Variants in CD101 observed in about 807,000 individuals in gnomAD.
The protein encoded by CD101 is immunoglobulin superfamily member 2.
Under a neutral mutation model 98.2 loss-of-function variants are expected in CD101, and 76 were observed. The ratio of observed to expected loss-of-function variants is 0.77; its 90% confidence interval spans 0.64 to 0.94. The LOEUF is 0.94. Among genes scored for constraint, CD101 ranks in the 40% least tolerant of loss-of-function variants. The probability of loss-of-function intolerance (pLI) is 0.00; values close to 1 mark genes in which losing one functional copy is unlikely to be tolerated. For missense variants in CD101, 1,145 were observed against 1,218.8 expected, an observed-to-expected ratio of 0.94 and a Z score of 0.90; for synonymous variants, 471 against 472.7, an observed-to-expected ratio of 1.00 and a Z score of 0.05.
Position 117,022,049 on chromosome 1 carries a change from G to C in CD101, c.2428+66G>C. 1 of 1,492,242 alleles carries C rather than the reference G, an allele frequency of 6.7e-7. No individual in the cohort carries two copies. Among genetic ancestry groups the C allele is most frequent in the Non-Finnish European group, 9.0e-7 (1 of 1,106,488 alleles). The allele number at this position is 1,492,242 out of a possible 1,614,324, so 92.4% of individuals were successfully genotyped here. A position where few individuals can be genotyped will look rare whatever the true frequency, so the allele number is the denominator to read the frequency against. ...GACGGCTGTTTTCTCTTGGGCAGCT[G>C]TTCTATGGAGTGATTATGTGGAAGT... On this transcript the variant is annotated intron_variant, in intron 7 of 9. Coordinates refer to ENST00000682167, the MANE Select transcript of CD101 (RefSeq NM_001256106.3). The surrounding 1 kb of genome is among the most constrained non-coding windows in gnomAD (Gnocchi z 4.8).
At chr1:117,027,429 G>T (rs963407203) in intron 8 of CD101, among the ~76,000 whole-genome samples, 6 of 152,210 alleles carry the variant, frequency 3.9e-5, no homozygotes, top group African/African-American at 7.2e-5. Context: ...CAGGGCTGGG[G>T]TGAAGTGCTA....
In CD101 at chr1:117,012,142, G is replaced by A. The variant is rs1026782732; in HGVS notation, c.841+176G>A. 1.3e-5 allele frequency among the ~76,000 whole-genome samples: 2 copies of A among 152,208 alleles called. No individual in the cohort carries two copies. Among genetic ancestry groups the A allele is most frequent in the Non-Finnish European group, 2.9e-5 (2 of 68,030 alleles). On this transcript the variant is annotated intron_variant, in intron 3 of 9. Transcript: ENST00000682167. The surrounding 1 kb of genome is among the most constrained non-coding windows in gnomAD (Gnocchi z 4.0). ...GCATAACTAAGAGGGAGCACATTCA[G>A]TTCTGGCTCTGCCCACGGATTCTTT...
At chr1:117,028,669 A>C (rs1654120969) in intron 8 of CD101, among the ~76,000 whole-genome samples, 1 of 152,160 alleles carries the variant, frequency 6.6e-6, no homozygotes, top group Non-Finnish European at 1.5e-5. Flanking sequence ...GGGAATCAGG[A>C]TTTGGTGGTA....
At chr1:117,017,035 A>G (rs766646784) in intron 4 of CD101, 55 bp from the exon 5 acceptor site, 10 of 1,540,800 alleles carry the variant, frequency 6.5e-6, no homozygotes, top group Admixed American at 3.7e-5. Flanking sequence ...TGTATTTTAG[A>G]ACATTTCTTA....
At chr1:117,002,994 T>C (rs1557761875) in intron 1 of CD101, among the ~76,000 whole-genome samples, 1 of 152,226 alleles carries the variant, frequency 6.6e-6, no homozygotes, top group Non-Finnish European at 1.5e-5. Flanking sequence ...TCTTGCTTTA[T>C]AGCTGGGCAT....
rs1652838336 is a variant in CD101, at chr1:117,010,744, C to T, written c.424+514C>T. Among the ~76,000 whole-genome samples, 1 of 152,252 alleles carries T rather than the reference C, an allele frequency of 6.6e-6. No homozygotes were observed. Among genetic ancestry groups the T allele is most frequent in the Non-Finnish European group, 1.5e-5 (1 of 68,044 alleles). On this transcript the variant is annotated intron_variant, in intron 2 of 9. Transcript: ENST00000682167. The surrounding 1 kb of genome is among the most constrained non-coding windows in gnomAD (Gnocchi z 5.2). The stretch of plus-strand genomic sequence containing the variant: ...ATCACCCCCTTTTCAGCTTAACAAA[C>T]TCCTACATATACTTCAGGACCCAGT...
In CD101 at chr1:117,025,577, C is replaced by G; in HGVS notation, c.2497C>G (p.Arg833Gly). 6.2e-7 allele frequency: 1 copy of G among 1,612,568 alleles called. No homozygotes were observed. The highest frequency in any genetic ancestry group is 8.5e-7 in the Non-Finnish European group (1 of 1,179,448). Residue 833 changes from arginine (R) to glycine (G), a missense_variant, in exon 8 of 10, where the codon CGC becomes GGC. Transcript: ENST00000682167. ...GACTGAGCACAGAGAAGTGGCCATC[C>G]GCTGCAGCCTGGAGAGTGTAGGCAG... ...NVTEHREVAI[R>G]CSLESVGSSA...
Position 117,033,780 on chromosome 1 carries a change from T to C in CD101, c.2825-80T>C, listed in dbSNP as rs1474139236. ...TTTTACATATACTTGCCTATAACAA[T>C]AAATCCCAGGAGTGTTTGTAATTGA... is the stretch of plus-strand genomic sequence containing the variant. On this transcript the variant is annotated intron_variant, in intron 8 of 9. Coordinates refer to ENST00000682167, the MANE Select transcript of CD101 (RefSeq NM_001256106.3). The surrounding 1 kb of genome is among the most constrained non-coding windows in gnomAD (Gnocchi z 4.8). 1 of 1,578,706 alleles carries C rather than the reference T, an allele frequency of 6.3e-7. No homozygotes were observed. The highest frequency in any genetic ancestry group is 1.8e-5 in the Admixed American group (1 of 57,006).
At chr1:117,020,044 T>C (rs766535917) in intron 6 of CD101, among the ~76,000 whole-genome samples, 1 of 152,092 alleles carries the variant, frequency 6.6e-6, no homozygotes, top group Admixed American at 6.6e-5. Flanking sequence ...ACTCTCAAAG[T>C]CTTTGATCTA....
intron 9 of CD101, among the ~76,000 whole-genome samples, chr1:117,035,879 C>T (rs1309505970): frequency 3.3e-5 from 5 of 152,110 alleles, no homozygotes; most frequent in African/African-American, 7.2e-5. Flanking sequence ...GTGATGACCC[C>T]CTGCCCCTAT....
chr1:117,020,412 C>T lies in CD101; in HGVS notation c.2018-1161C>T, dbSNP rs1051396177. Among the ~76,000 whole-genome samples, 20 of 152,250 alleles carry T rather than the reference C, an allele frequency of 1.3e-4. 1 individual carries two copies. Among genetic ancestry groups the T allele is most frequent in the East Asian group, 3.9e-4 (2 of 5,186 alleles). ...TGCACAGATTAGCCAGGCATGGTGGCGTGCACCTGTAGTCCCAGCTACTCA... is the reference window on the plus strand; with the variant it reads ...TGCACAGATTAGCCAGGCATGGTGGTGTGCACCTGTAGTCCCAGCTACTCA... On this transcript the variant is annotated intron_variant, in intron 6 of 9. Coordinates refer to ENST00000682167, the MANE Select transcript of CD101 (RefSeq NM_001256106.3).
At position 117,018,702 on chromosome 1, in the gene CD101, A is replaced by G. The variant is rs777027834; in HGVS notation, c.2017+142A>G. On this transcript the variant is annotated intron_variant, in intron 6 of 9. Coordinates refer to ENST00000682167, the MANE Select transcript of CD101 (RefSeq NM_001256106.3). This position sits in a 1 kb window ranked among gnomAD's most constrained non-coding sequence, Gnocchi z 4.3. Reference sequence around the variant, plus strand: ...AAGTAAGCACCACATGATGAATGATACCCAGGTTAACATTGAGTTAGTATG... The same window carrying G: ...AAGTAAGCACCACATGATGAATGATGCCCAGGTTAACATTGAGTTAGTATG... 4 of 776,664 alleles carry G rather than the reference A, an allele frequency of 5.2e-6. No individual in the cohort carries two copies. Among genetic ancestry groups the G allele is most frequent in the Non-Finnish European group, 8.0e-6 (4 of 500,738 alleles). The allele number at this position is 776,664 out of a possible 1,614,324, so 48.1% of individuals were successfully genotyped here. A position where few individuals can be genotyped will look rare whatever the true frequency, so the allele number is the denominator to read the frequency against.
In CD101 at chr1:117,004,763, C is replaced by G. The variant is rs4659334; in HGVS notation, c.43+2903C>G. On this transcript the variant is annotated intron_variant, in intron 1 of 9. Transcript: ENST00000682167. The surrounding 1 kb of genome is among the most constrained non-coding windows in gnomAD (Gnocchi z 4.1). Reference sequence around the variant, plus strand: ...GATCTCTGCCAGTCATGCCTTCTACCTGAAAAATACCTTTGAAATCTCCAC... The same window carrying G: ...GATCTCTGCCAGTCATGCCTTCTACGTGAAAAATACCTTTGAAATCTCCAC... Among the ~76,000 whole-genome samples the G allele has an allele frequency of 0.27, 40,053 of 151,138 alleles. 6,429 individuals carry two copies. Among genetic ancestry groups the G allele is most frequent in the East Asian group, 0.61 (3,124 of 5,096 alleles).
rs1653867867 is a variant in CD101 at position 117,025,613 on chromosome 1, C to G, written c.2533C>G (p.Leu845Val). The G allele has an allele frequency of 6.2e-7, 1 of 1,613,974 alleles. No homozygotes were observed. The highest frequency in any genetic ancestry group is 1.3e-5 in the African/African-American group (1 of 74,932). Residue 845 changes from leucine to valine, a missense_variant, in exon 8 of 10, where the codon CTG becomes GTG. Physicochemically the swap from Leu to Val is conservative, Grantham distance 32 (BLOSUM62 1). Coordinates refer to ENST00000682167, the MANE Select transcript of CD101 (RefSeq NM_001256106.3). ...SLESVGSSATLYSVMWYWNRE... is the reference protein window; with the variant it reads ...SLESVGSSATVYSVMWYWNRE... The stretch of plus-strand genomic sequence containing the variant: ...GGAGAGTGTAGGCAGCTCAGCCACT[C>G]TGTACTCTGTGATGTGGTACTGGAA...
intron 1 of CD101, among the ~76,000 whole-genome samples, chr1:117,009,126 C>T (rs1557764892): frequency 1.3e-5 from 2 of 152,078 alleles, no homozygotes; most frequent in African/African-American, 4.8e-5. Flanking sequence ...GAAAACATTC[C>T]CTAGTGGTCC....
In CD101 at chr1:117,021,972, T is replaced by C. The variant is rs1316268537; in HGVS notation, c.2417T>C (p.Leu806Pro). 3 of 1,605,876 alleles carry C rather than the reference T, an allele frequency of 1.9e-6. No individual in the cohort carries two copies. In the South Asian group the frequency reaches 3.4e-5, roughly 18 times the overall value. Reference sequence around the variant, plus strand: ...AAGTCAGGACTAACAGAATTGAAACTCAAGCCCACAGGTAAACCTTGCGAG... The same window carrying C: ...AAGTCAGGACTAACAGAATTGAAACCCAAGCCCACAGGTAAACCTTGCGAG... ...EKKSGLTELKLKPTGSKVRVS... is the reference protein window; with the variant it reads ...EKKSGLTELKPKPTGSKVRVS... Residue 806 changes from leucine to proline, a missense_variant, in exon 7 of 10, where the codon CTC (leucine) becomes CCC (proline). Leu to Pro is a moderately conservative substitution (Grantham distance 98). Transcript: ENST00000682167. The surrounding 1 kb of genome is among the most constrained non-coding windows in gnomAD (Gnocchi z 4.7).
At chr1:117,029,770 A>G (rs1280055048) in intron 8 of CD101, among the ~76,000 whole-genome samples, 1 of 152,248 alleles carries the variant, frequency 6.6e-6, no homozygotes, top group Non-Finnish European at 1.5e-5. Context: ...CTATCTGGCT[A>G]TCCCAGCTTG....
intron 5 of CD101, 71 bp downstream of exon 5, chr1:117,017,544 C>G: frequency 6.8e-7 from 1 of 1,478,248 alleles, no homozygotes; most frequent in East Asian, 2.3e-5. Flanking sequence ...AACTGGATTG[C>G]GTGTTATCCT....
At chr1:117,034,274 G>T (rs958493340) in intron 9 of CD101, 140 bp downstream of exon 9, 9 of 698,412 alleles carry the variant, frequency 1.3e-5, no homozygotes, top group Non-Finnish European at 1.9e-5. Context: ...GCACTGTTAG[G>T]TGTTCCTTTG....
Sources: allele counts gnomAD v4.1 joint callset (sites outside exome capture counted in the v4.1 genomes callset), GRCh38; gene constraint gnomAD v4.1.1; non-coding constraint Gnocchi (gnomAD v3.1); transcripts MANE v1.5; gene names NCBI Gene and HGNC (gene_info 2026-07-23, HGNC 2026-07-21).